FSCN2: variants seen among roughly 807,000 people sequenced by gnomAD.
FSCN2 encodes the protein fascin-2.
In FSCN2, 46 loss-of-function variants were observed where a neutral mutation model predicts 37.8. The observed-to-expected ratio is 1.22, with a 90% CI of 0.96 to 1.56. The LOEUF (loss-of-function observed/expected upper bound fraction) is 1.56. Ranked by LOEUF, FSCN2 falls within the 40% of genes most tolerant of loss-of-function variation. The probability of loss-of-function intolerance (pLI) is 0.00; values close to 1 mark genes in which losing one functional copy is unlikely to be tolerated. For missense variants in FSCN2, 844 were observed against 730.4 expected (o/e 1.16, Z -1.79); for synonymous variants, 351 against 309.4 (o/e 1.13, Z -1.41).
At chr17:81,521,175 C>A in the FSCN2 span, among the ~76,000 whole-genome samples, 2 of 152,154 alleles carry the variant, frequency 1.3e-5, no homozygotes, top group African/African-American at 4.8e-5. Flanking sequence ...TCAAGCGATT[C>A]TCCTGCCTCA....
chr17:81,516,583 G>T, the FSCN2 span, among the ~76,000 whole-genome samples: 2 of 152,214 alleles, frequency 1.3e-5, no homozygotes, highest in Non-Finnish European at 2.9e-5. Context: ...TGGTCCCAAG[G>T]CTGGTCCCGG....
rs547267733 is a variant in FSCN2 at position 81,535,818 on chromosome 17, A to C, written c.984-328A>C. On this transcript the variant is annotated intron_variant, in intron 2 of 4. Transcript: ENST00000417245. ...CATCTCCACCATCCCCATCTCCATC[A>C]CCATCCCCCTCTCCATCCCCATCCC... 3.6e-3 allele frequency among the ~76,000 whole-genome samples: 266 copies of C among 74,378 alleles called. 3 individuals carry two copies. Among genetic ancestry groups the C allele is most frequent in the African/African-American group, 0.016 (247 of 15,776 alleles). 48.8% of individuals were successfully genotyped at this position (74,378 alleles called of 152,430 possible).
chr17:81,515,247 C>CTGGA, the FSCN2 span, among the ~76,000 whole-genome samples: 1 of 152,148 alleles, frequency 6.6e-6, no homozygotes, highest in Non-Finnish European at 1.5e-5. Context: ...CCTGGATATG[C>CTGGA]TCTGGGAAGC....
At chr17:81,519,753 A>G in the FSCN2 span, among the ~76,000 whole-genome samples, 4 of 151,990 alleles carry the variant, frequency 2.6e-5, no homozygotes, top group Admixed American at 2.6e-4. Context: ...GTGGCAGTGG[A>G]TGAGGGGGTG....
chr17:81,536,233 G>A lies in FSCN2; in HGVS notation c.1071G>A (p.Lys357=). Reference sequence around the variant, plus strand: ...ACGGGCGCTACGTGTGCATGAAGAAGAATGGGCAGCTGGCGGCTATCAGCG... The same window carrying A: ...ACGGGCGCTACGTGTGCATGAAGAAAAATGGGCAGCTGGCGGCTATCAGCG... ...ASNGRYVCMK[K]NGQLAAISDF... is the part of the protein sequence containing the mutation. The change falls in exon 3 of 5, where the codon AAG becomes AAA. Residue 357 remains lysine (K), a synonymous_variant. Transcript: ENST00000417245. The A allele has an allele frequency of 6.2e-7, 1 of 1,602,168 alleles. No individual in the cohort carries two copies. Among genetic ancestry groups the A allele is most frequent in the Non-Finnish European group, 8.5e-7 (1 of 1,175,106 alleles).
chr17:81,517,491 G>A, the FSCN2 span, among the ~76,000 whole-genome samples: 1 of 152,196 alleles, frequency 6.6e-6, no homozygotes, highest in East Asian at 1.9e-4. Flanking sequence ...CAGGCGTCTT[G>A]CCTGACACCC....
upstream of FSCN2, among the ~76,000 whole-genome samples, chr17:81,525,549 C>G (rs2032326902): frequency 1.4e-5 from 2 of 147,446 alleles, no homozygotes; most frequent in African/African-American, 5.1e-5. Flanking sequence ...AATGAAGCCC[C>G]GTGTCTACTA....
chr17:81,531,708 ATAG>A (rs1368874475), intron 1 of FSCN2, among the ~76,000 whole-genome samples: 3 of 59,308 alleles, frequency 5.1e-5, no homozygotes, highest in African/African-American at 2.0e-4. Flanking sequence ...GGTGATGATG[ATAG>A]TGATGGTGGT....
At chr17:81,525,651 G>C (rs1454387734), upstream of FSCN2, among the ~76,000 whole-genome samples, 1 of 152,068 alleles carries the variant, frequency 6.6e-6, no homozygotes, top group Admixed American at 6.5e-5. Context: ...CATGAACCTG[G>C]GAGGCAGAGG....
intron 1 of FSCN2, among the ~76,000 whole-genome samples, chr17:81,531,545 G>C: frequency 7.1e-6 from 1 of 140,048 alleles, no homozygotes; most frequent in Non-Finnish European, 1.6e-5. Context: ...TGGTGATGAT[G>C]GTGATGGCGA....
Position 81,535,350 on chromosome 17 carries a change from CCCATCTCCA to C in FSCN2, c.983+152_983+160del, listed in dbSNP as rs1296165300. On this transcript the variant is annotated intron_variant, in intron 2 of 4. Transcript: ENST00000417245. Reference sequence around the variant, plus strand: ...CAGCCCCATCCCCATGACCACCATCCCCATCTCCACCATCTCCATCACCATCATCGCCAT... The same window carrying C: ...CAGCCCCATCCCCATGACCACCATCCCCATCTCCATCACCATCATCGCCAT... 1.5e-4 allele frequency: 86 copies of C among 558,252 alleles called. 1 individual carries two copies. The East Asian group carries it at 2.2e-3, about 14-fold the overall frequency. The allele number at this position is 558,252 out of a possible 1,614,324, so 34.6% of individuals were successfully genotyped here.
the FSCN2 span, among the ~76,000 whole-genome samples, chr17:81,519,799 C>T: frequency 1.3e-5 from 2 of 152,160 alleles, no homozygotes; most frequent in South Asian, 2.1e-4. Context: ...GCTAGATGTC[C>T]GGGGTCCCTC....
In FSCN2 at chr17:81,529,249, G is replaced by A. The variant is rs370156011; in HGVS notation, c.718G>A (p.Ala240Thr). The change falls in exon 1 of 5, where the codon GCC (alanine) becomes ACC (threonine). Residue 240 changes from alanine (A) to threonine (T), a missense_variant. Coordinates refer to ENST00000417245, the MANE Select transcript of FSCN2 (RefSeq NM_012418.4). ...CGTGGGGCCCGCAGGCACCCTCAAGGCCGGCCGAAACACGCGACCTGGCAA... is the reference window on the plus strand; with the variant it reads ...CGTGGGGCCCGCAGGCACCCTCAAGACCGGCCGAAACACGCGACCTGGCAA... The part of the protein sequence containing the change: ...APVGPAGTLK[A>T]GRNTRPGKDE... 1.9e-4 allele frequency: 299 copies of A among 1,597,866 alleles called. No homozygotes were observed. Among genetic ancestry groups the A allele is most frequent in the Non-Finnish European group, 2.5e-4 (287 of 1,170,544 alleles).
chr17:81,531,210 A>ATGGTGATAATGGTGATGG (rs2032543588), intron 1 of FSCN2, among the ~76,000 whole-genome samples: 1 of 111,518 alleles, frequency 9.0e-6, no homozygotes, highest in Non-Finnish European at 2.0e-5. Context: ...GATGGTGGTG[A>ATGGTGATAATGGTGATGG]TGGTGGTGAT....
intron 1 of FSCN2, among the ~76,000 whole-genome samples, chr17:81,532,566 GTGA>G (rs1211130459): frequency 6.9e-6 from 1 of 145,872 alleles, no homozygotes; most frequent in African/African-American, 2.6e-5. Flanking sequence ...GGTGGTGATG[GTGA>G]TGGTGGTGAT....
chr17:81,529,602 T>C (rs1446932697), intron 1 of FSCN2: 1 of 732,178 alleles, frequency 1.4e-6, no homozygotes, highest in African/African-American at 1.7e-5. Flanking sequence ...GTTCCTGGCC[T>C]TTCTCAGCAT....
At chr17:81,515,161 G>A in the FSCN2 span, among the ~76,000 whole-genome samples, 1 of 152,182 alleles carries the variant, frequency 6.6e-6, no homozygotes. Flanking sequence ...AGCCCGCGGG[G>A]CGCAGGGGGC....
the FSCN2 span, among the ~76,000 whole-genome samples, chr17:81,517,839 C>A: frequency 3.5e-5 from 5 of 141,294 alleles, no homozygotes; most frequent in African/African-American, 1.3e-4. Flanking sequence ...CAGGGTGGTT[C>A]TTAGCTGCGG....
At position 81,528,459 on chromosome 17, in the gene FSCN2, T is replaced by A. The variant is rs2032421090; in HGVS notation, c.-73T>A. 14 of 1,196,162 alleles carry A rather than the reference T, an allele frequency of 1.2e-5. No individual in the cohort carries two copies. The highest frequency in any genetic ancestry group is 1.5e-5 in the Non-Finnish European group (13 of 847,144). The allele number at this position is 1,196,162 out of a possible 1,614,324, so 74.1% of individuals were successfully genotyped here. ...GGCCAGCCGAGCCGACCCGGGCTTC[T>A]GGGGGACCGCGGGGGCCGTGAGCAC... On this transcript the variant is annotated 5_prime_UTR_variant, in exon 1 of 5. Transcript: ENST00000417245.
Sources: gnomAD v4.1 joint callset for allele counts (sites outside exome capture counted in the v4.1 genomes callset) on GRCh38, gnomAD v4.1.1 for gene constraint, MANE v1.5 for transcripts, NCBI Gene and HGNC (gene_info 2026-07-23, HGNC 2026-07-21) for gene names.